Variants in SNAP25 observed in about 807,000 individuals in gnomAD.
SNAP25 encodes the protein synaptosome associated protein 25.
SNAP25 carries 3 observed loss-of-function variants against 28.7 expected under a neutral mutation model. The ratio of observed to expected loss-of-function variants is 0.10; its 90% confidence interval spans 0.05 to 0.27. The LOEUF is 0.27. SNAP25 is among the 10% of genes least tolerant of loss of function. SNAP25 has a pLI of 1.00. For missense variants in SNAP25, 117 were observed against 278.7 expected (o/e 0.42, Z 4.13); for synonymous variants, 61 against 88.1 (o/e 0.69, Z 1.72).
intron 1 of SNAP25, among the ~76,000 whole-genome samples, chr20:10,259,135 G>A (rs561087648): frequency 6.6e-6 from 1 of 152,194 alleles, no homozygotes; most frequent in Non-Finnish European, 1.5e-5. Context: ...ATGTATGGCA[G>A]AGTATGGCAG....
At chr20:10,269,633 G>C (rs2063558637) in intron 1 of SNAP25, among the ~76,000 whole-genome samples, 1 of 152,140 alleles carries the variant, frequency 6.6e-6, no homozygotes, top group African/African-American at 2.4e-5. Context: ...ATAGAACCAG[G>C]TAGTAACTAT....
intron 1 of SNAP25, among the ~76,000 whole-genome samples, chr20:10,222,699 A>G (rs1450401160): frequency 6.6e-6 from 1 of 152,218 alleles, no homozygotes; most frequent in African/African-American, 2.4e-5. Flanking sequence ...AGTGGATTTA[A>G]TTTGCATTCT....
intron 1 of SNAP25, among the ~76,000 whole-genome samples, chr20:10,271,749 AAG>A (rs948692993): frequency 6.6e-6 from 1 of 152,016 alleles, no homozygotes; most frequent in Non-Finnish European, 1.5e-5. Flanking sequence ...AGAGAGAGAG[AAG>A]AGAGAGAGCA....
chr20:10,230,662 C>G (rs958115624), intron 1 of SNAP25, among the ~76,000 whole-genome samples: 2 of 152,150 alleles, frequency 1.3e-5, no homozygotes, highest in Admixed American at 6.5e-5. Flanking sequence ...CCCTAGAGAT[C>G]TTTGTTGTTC....
At chr20:10,225,342 T>C (rs1401349247) in intron 1 of SNAP25, among the ~76,000 whole-genome samples, 1 of 152,190 alleles carries the variant, frequency 6.6e-6, no homozygotes, top group Admixed American at 6.5e-5. Context: ...GATTTTCTTA[T>C]TGTTGACTAC....
At chr20:10,302,574 A>C (rs1012896811) in intron 7 of SNAP25, among the ~76,000 whole-genome samples, 140 of 152,146 alleles carry the variant, frequency 9.2e-4, no homozygotes, top group African/African-American at 3.2e-3. Flanking sequence ...CTAAACTTTT[A>C]CTGGCTCTTT....
chr20:10,244,894 G>C (rs2063100387), intron 1 of SNAP25, among the ~76,000 whole-genome samples: 1 of 151,796 alleles, frequency 6.6e-6, no homozygotes, highest in African/African-American at 2.4e-5. Flanking sequence ...CCAAGCCCAG[G>C]TAATTTTTGT....
At chr20:10,226,553 T>A (rs1263019654) in intron 1 of SNAP25, among the ~76,000 whole-genome samples, 1 of 152,072 alleles carries the variant, frequency 6.6e-6, no homozygotes, top group Non-Finnish European at 1.5e-5. Context: ...ATGCTAGGTG[T>A]CCCCTCTTGA....
chr20:10,284,817 A>T, intron 4 of SNAP25, 45 bp downstream of exon 4: 1 of 1,499,060 alleles, frequency 6.7e-7, no homozygotes, highest in Non-Finnish European at 9.3e-7. Flanking sequence ...CTTCTGAATA[A>T]TGTGCATTTT....
chr20:10,244,010 C>A (rs187311580), intron 1 of SNAP25, among the ~76,000 whole-genome samples: 59 of 152,322 alleles, frequency 3.9e-4, no homozygotes, highest in Non-Finnish European at 7.8e-4. Context: ...GGGATTGAGA[C>A]AGCACTTCCT....
In SNAP25 at chr20:10,299,376, T is replaced by C. The variant is rs1250459700; in HGVS notation, c.516T>C (p.Asp172=). Residue 172 remains aspartate, a synonymous_variant, in exon 7 of 8, where the codon GAT becomes GAC. Coordinates refer to ENST00000254976, the MANE Select transcript of SNAP25 (RefSeq NM_130811.4). ...CCCTGGATATGGGCAATGAGATCGA[T>C]ACACAGAATCGCCAGATCGACAGGA... is the stretch of plus-strand genomic sequence containing the variant. ...HMALDMGNEI[D]TQNRQIDRIM... The C allele has an allele frequency of 1.9e-6, 3 of 1,613,834 alleles. No individual in the cohort carries two copies. Among genetic ancestry groups the C allele is most frequent in the African/African-American group, 2.7e-5 (2 of 74,892 alleles).
intron 1 of SNAP25, among the ~76,000 whole-genome samples, chr20:10,251,398 C>T (rs990172393): frequency 5.9e-5 from 9 of 152,120 alleles, no homozygotes; most frequent in African/African-American, 2.2e-4. Context: ...AAGCTGCCAG[C>T]CTACTCCAGG....
chr20:10,234,720 A>C (rs1201487491), intron 1 of SNAP25, among the ~76,000 whole-genome samples: 1 of 152,186 alleles, frequency 6.6e-6, no homozygotes, highest in African/African-American at 2.4e-5. Flanking sequence ...ATTTGGGGAA[A>C]CACGATTAGA....
chr20:10,231,352 T>C (rs2062825640), intron 1 of SNAP25: 1 of 152,234 alleles, frequency 6.6e-6, no homozygotes, highest in African/African-American at 2.4e-5. Context: ...GATTTTTAAA[T>C]TGTATTTTCA....
At chr20:10,245,776 G>T (rs1257688702) in intron 1 of SNAP25, among the ~76,000 whole-genome samples, 2 of 152,152 alleles carry the variant, frequency 1.3e-5, no homozygotes, top group African/African-American at 2.4e-5. Context: ...TTAGACTTAT[G>T]ATAAGGTGCC....
intron 1 of SNAP25, among the ~76,000 whole-genome samples, chr20:10,230,583 A>C (rs1351815289): frequency 6.6e-6 from 1 of 152,180 alleles, no homozygotes; most frequent in Non-Finnish European, 1.5e-5. Context: ...CTCTAGGGCG[A>C]GACCCAGTAA....
chr20:10,228,224 A>T (rs1250732627), intron 1 of SNAP25, among the ~76,000 whole-genome samples: 1 of 152,156 alleles, frequency 6.6e-6, no homozygotes, highest in Admixed American at 6.5e-5. Context: ...CAAGGAAAAA[A>T]GTAACTAACT....
chr20:10,290,746 T>A (rs1425132272), intron 4 of SNAP25, among the ~76,000 whole-genome samples: 1 of 152,214 alleles, frequency 6.6e-6, no homozygotes, highest in Non-Finnish European at 1.5e-5. Context: ...AATCTATGCT[T>A]ATTTCAGCTG....
intron 7 of SNAP25, 91 bp from the exon 8 acceptor site, chr20:10,306,038 C>A: frequency 8.3e-7 from 1 of 1,210,190 alleles, no homozygotes; most frequent in Non-Finnish European, 1.2e-6. Flanking sequence ...TAAGTGGTTT[C>A]ACCCAAGAGG....
Sources: allele counts gnomAD v4.1 joint callset (sites outside exome capture counted in the v4.1 genomes callset), GRCh38; gene constraint gnomAD v4.1.1; transcripts MANE v1.5; gene names NCBI Gene and HGNC (gene_info 2026-07-23, HGNC 2026-07-21).